The following LTBP1 variants were observed in gnomAD, a reference collection of about 807,000 sequenced individuals.
LTBP1 encodes the protein latent-transforming growth factor beta-binding protein 1.
Under a neutral mutation model 207.6 loss-of-function variants are expected in LTBP1, and 129 were observed. The observed-to-expected ratio is 0.62, with a 90% CI of 0.54 to 0.72. The LOEUF is 0.72. Among genes scored for constraint, LTBP1 ranks in the 30% least tolerant of loss-of-function variants. LTBP1 has a pLI of 0.00. For missense variants in LTBP1, 2,281 were observed against 2,217.2 expected, an observed-to-expected ratio of 1.03 and a Z score of -0.58; for synonymous variants, 963 against 833.7, an observed-to-expected ratio of 1.16 and a Z score of -2.67.
chr2:33,119,842 G>GC (rs374203735), intron 4 of LTBP1, among the ~76,000 whole-genome samples: 3 of 152,208 alleles, frequency 2.0e-5, no homozygotes, highest in African/African-American at 7.2e-5. Context: ...ATAGACGAGA[G>GC]CACTGCGCCT....
chr2:33,375,946 A>G (rs1305396203), intron 31 of LTBP1, among the ~76,000 whole-genome samples: 4 of 143,734 alleles, frequency 2.8e-5, no homozygotes, highest in African/African-American at 8.7e-5. Flanking sequence ...CATCCTATTT[A>G]TAAGTCCAAT....
chr2:32,968,693 G>A (rs1348019675), intron 2 of LTBP1, among the ~76,000 whole-genome samples: 1 of 145,430 alleles, frequency 6.9e-6, no homozygotes, highest in East Asian at 2.0e-4. Context: ...CTTGTTTTTT[G>A]TTCCTCTTTT....
intron 29 of LTBP1, 62 bp from the exon 30 acceptor site, chr2:33,364,154 G>A (rs933983303): frequency 1.3e-6 from 2 of 1,525,076 alleles, no homozygotes; most frequent in South Asian, 1.2e-5. Context: ...TAAAGTTTGG[G>A]AAGTGTATGA....
chr2:32,948,945 C>T lies in LTBP1; in HGVS notation c.565C>T (p.Pro189Ser). The change falls in exon 2 of 34, where the codon CCT (proline) becomes TCT (serine). Residue 189 changes from proline to serine, a missense_variant and splice_region_variant. By Grantham distance (74) the Pro-to-Ser change is moderately conservative. Around this residue, in one of 3 missense-constraint regions of LTBP1, gnomAD observed 555 missense variants for 491.0 expected, o/e 1.13. Transcript: ENST00000404816. ...KAPGSQRCTK[P>S]SCVPPCQNGG... ...CCCTGGCTCCCAGAGGTGCACCAAA[C>T]GTAAGTTGCCATGTTCACAGTGGCC... 6 of 1,614,058 alleles carry T rather than the reference C, an allele frequency of 3.7e-6. No homozygotes were observed. The highest frequency in any genetic ancestry group is 4.2e-6 in the Non-Finnish European group (5 of 1,180,012).
chr2:33,175,397 GA>G (rs1188225586), intron 5 of LTBP1, among the ~76,000 whole-genome samples: 3 of 151,944 alleles, frequency 2.0e-5, no homozygotes, highest in Admixed American at 2.0e-4. Context: ...AAAGACACAT[GA>G]AAAAATGCTC....
In LTBP1 at chr2:32,947,140, C is replaced by T. The variant is rs1676294315; in HGVS notation, c.-185C>T. On this transcript the variant is annotated 5_prime_UTR_variant, in exon 1 of 34. Coordinates refer to ENST00000404816, the MANE Select transcript of LTBP1 (RefSeq NM_206943.4). Reference sequence around the variant, plus strand: ...TCCTCCTGCTCCCAGCCACAATCGGCCGGGGTCTGGGGCCGCTCAGCTGCC... The same window carrying T: ...TCCTCCTGCTCCCAGCCACAATCGGTCGGGGTCTGGGGCCGCTCAGCTGCC... 1 of 373,506 alleles carries T rather than the reference C, an allele frequency of 2.7e-6. No individual in the cohort carries two copies. The allele number at this position is 373,506 out of a possible 1,614,324, so 23.1% of individuals were successfully genotyped here. A position where few individuals can be genotyped will look rare whatever the true frequency, so the allele number is the denominator to read the frequency against.
intron 2 of LTBP1, among the ~76,000 whole-genome samples, chr2:32,976,645 C>G (rs1029371769): frequency 6.6e-6 from 1 of 152,162 alleles, no homozygotes; most frequent in Admixed American, 6.5e-5. Flanking sequence ...GAGGCCCCTC[C>G]AATCACTGGC....
At chr2:33,389,539 G>A (rs1441041768) in intron 32 of LTBP1, among the ~76,000 whole-genome samples, 1 of 152,132 alleles carries the variant, frequency 6.6e-6, no homozygotes, top group African/African-American at 2.4e-5. Context: ...TCACACCACT[G>A]CACTCCAGCC....
At chr2:33,287,375 A>G (rs1483806036) in intron 19 of LTBP1, among the ~76,000 whole-genome samples, 2 of 152,240 alleles carry the variant, frequency 1.3e-5, no homozygotes, top group South Asian at 2.1e-4. Context: ...GTTCTGTACA[A>G]TGTCTCATGT....
chr2:33,146,381 A>G (rs1298877192), intron 5 of LTBP1, among the ~76,000 whole-genome samples: 1 of 152,222 alleles, frequency 6.6e-6, no homozygotes, highest in African/African-American at 2.4e-5. Context: ...AGCCCCTATG[A>G]GAAGTCAATG....
At chr2:33,322,507 A>G (rs144287966) in intron 24 of LTBP1, among the ~76,000 whole-genome samples, 141 of 152,360 alleles carry the variant, frequency 9.3e-4, no homozygotes, top group Non-Finnish European at 1.6e-3. Context: ...GTCTCCCACT[A>G]TGAGTGGACT....
Position 33,189,032 on chromosome 2 carries a change from A to G in LTBP1, c.1701+181A>G, listed in dbSNP as rs187549969. ...CACTCATAGCCACACTTATTCATTT[A>G]CATACTGTCTATGCCCATTTTCATG... On this transcript the variant is annotated intron_variant, in intron 7 of 33. Transcript: ENST00000404816. 3.9e-5 allele frequency among the ~76,000 whole-genome samples: 6 copies of G among 152,338 alleles called. No individual in the cohort carries two copies. In the East Asian group the frequency reaches 1.2e-3, roughly 29 times the overall value.
At chr2:33,357,832 AG>A (rs749834073) in intron 26 of LTBP1, among the ~76,000 whole-genome samples, 116 of 152,346 alleles carry the variant, frequency 7.6e-4, no homozygotes, top group Non-Finnish European at 1.4e-3. Flanking sequence ...AATATCTTTA[AG>A]AAAAAGAGTA....
At chr2:33,158,796 C>T (rs1296201673) in intron 5 of LTBP1, among the ~76,000 whole-genome samples, 1 of 152,220 alleles carries the variant, frequency 6.6e-6, no homozygotes, top group African/African-American at 2.4e-5. Context: ...CTTCTCCACT[C>T]CTCTCCCTTT....
intron 9 of LTBP1, among the ~76,000 whole-genome samples, chr2:33,226,366 C>T (rs927545333): frequency 2.0e-5 from 3 of 152,152 alleles, no homozygotes; most frequent in African/African-American, 7.2e-5. Context: ...TGGCATACCC[C>T]AAAGTTGGGG....
intron 3 of LTBP1, among the ~76,000 whole-genome samples, chr2:33,049,578 C>T (rs1388448618): frequency 1.3e-5 from 2 of 152,058 alleles, no homozygotes; most frequent in Non-Finnish European, 2.9e-5. Flanking sequence ...CACTAAGAAA[C>T]ATTTTTAGTG....
At position 33,149,794 on chromosome 2, in the gene LTBP1, A is replaced by G. The variant is rs114310928; in HGVS notation, c.1201+14834A>G. 4.2e-3 allele frequency among the ~76,000 whole-genome samples: 645 copies of G among 152,290 alleles called. 8 individuals are homozygous for G. The highest frequency in any genetic ancestry group is 0.015 in the African/African-American group (617 of 41,558). Reference sequence around the variant, plus strand: ...CAGAAACTGCTTTTCAGCACTGACCATTGCTACTGTGGATGCTCATTTGCA... The same window carrying G: ...CAGAAACTGCTTTTCAGCACTGACCGTTGCTACTGTGGATGCTCATTTGCA... On this transcript the variant is annotated intron_variant, in intron 5 of 33. Coordinates refer to ENST00000404816, the MANE Select transcript of LTBP1 (RefSeq NM_206943.4).
At chr2:33,057,011 C>G (rs1349847531) in intron 3 of LTBP1, among the ~76,000 whole-genome samples, 1 of 151,940 alleles carries the variant, frequency 6.6e-6, no homozygotes. Flanking sequence ...AAAAGTTCTC[C>G]ACGTCCCCAC....
intron 31 of LTBP1, among the ~76,000 whole-genome samples, chr2:33,373,364 C>G (rs1270567215): frequency 6.6e-6 from 1 of 152,192 alleles, no homozygotes; most frequent in African/African-American, 2.4e-5. Context: ...GACAGACTTA[C>G]ACATCTGAAT....
Sources: allele counts gnomAD v4.1 joint callset (sites outside exome capture counted in the v4.1 genomes callset), GRCh38; gene constraint gnomAD v4.1.1; regional missense constraint gnomAD v4.1.1; transcripts MANE v1.5; gene names NCBI Gene and HGNC (gene_info 2026-07-23, HGNC 2026-07-21).